The following SLC2A13 variants were observed in gnomAD, a reference collection of about 807,000 sequenced individuals.
SLC2A13 encodes the protein solute carrier family 2 member 13, also known as proton myo-inositol cotransporter.
SLC2A13 carries 32 observed loss-of-function variants against 64.4 expected under a neutral mutation model. That is an observed-to-expected ratio of 0.50 (90% CI 0.37 to 0.67). The LOEUF is 0.67. Ranked by LOEUF, SLC2A13 falls within the 30% of genes least tolerant of loss-of-function variation. The probability of loss-of-function intolerance (pLI) is 0.00; values close to 1 mark genes in which losing one functional copy is unlikely to be tolerated. For synonymous variants in SLC2A13, 338 were observed against 327.1 expected (o/e 1.03, Z -0.36); for missense variants, 743 against 829.2 (o/e 0.90, Z 1.28).
chr12:40,057,320 T>C (rs2136247157), intron 1 of SLC2A13, among the ~76,000 whole-genome samples: 1 of 152,158 alleles, frequency 6.6e-6, no homozygotes, highest in Middle Eastern at 3.4e-3. Context: ...TGAACTCAGG[T>C]ATGGGTGCTA....
chr12:39,785,115 A>C (rs1376180454), intron 7 of SLC2A13, among the ~76,000 whole-genome samples: 1 of 152,178 alleles, frequency 6.6e-6, no homozygotes, highest in Non-Finnish European at 1.5e-5. Flanking sequence ...GCCTAATGTG[A>C]ATCCCCAAGA....
intron 3 of SLC2A13, among the ~76,000 whole-genome samples, chr12:39,969,985 A>G (rs1271539251): frequency 9.2e-5 from 14 of 152,202 alleles, no homozygotes; most frequent in Non-Finnish European, 1.6e-4. Flanking sequence ...TATAAGATGT[A>G]AGGAAGGGAT....
intron 2 of SLC2A13, among the ~76,000 whole-genome samples, chr12:40,029,267 A>T (rs1323249000): frequency 6.6e-6 from 1 of 152,192 alleles, no homozygotes; most frequent in Non-Finnish European, 1.5e-5. Context: ...ATCTCTCCAA[A>T]TTATGATCAC....
Position 39,967,262 on chromosome 12 carries a change from G to T in SLC2A13, c.926-15897C>A, listed in dbSNP as rs189729187. Among the ~76,000 whole-genome samples, 50 of 152,144 alleles carry T rather than the reference G, an allele frequency of 3.3e-4. No homozygotes were observed. The South Asian group carries it at 3.9e-3, about 12-fold the overall frequency. On this transcript the variant is annotated intron_variant, in intron 3 of 9. Coordinates refer to ENST00000280871, the MANE Select transcript of SLC2A13 (RefSeq NM_052885.4). ...CTGTTATGCATATATAAAAAGTCTA[G>T]CATTATATTCATTAGCAAAGATGTA...
chr12:39,876,201 G>GTGCAT (rs569951930), intron 4 of SLC2A13, among the ~76,000 whole-genome samples: 2 of 152,084 alleles, frequency 1.3e-5, no homozygotes, highest in Non-Finnish European at 2.9e-5. Context: ...GGAAATCTAC[G>GTGCAT]TGCATTGCTA....
At chr12:40,071,160 G>A (rs1937940903) in intron 1 of SLC2A13, among the ~76,000 whole-genome samples, 1 of 152,132 alleles carries the variant, frequency 6.6e-6, no homozygotes, top group South Asian at 2.1e-4. Flanking sequence ...TGGGCTCTCT[G>A]TCTCACTGAT....
At chr12:39,938,372 G>A (rs1020325495) in intron 4 of SLC2A13, among the ~76,000 whole-genome samples, 4 of 150,496 alleles carry the variant, frequency 2.7e-5, no homozygotes, top group African/African-American at 2.4e-5. Flanking sequence ...CCATGTTTCC[G>A]CACACAAAAT....
At chr12:40,100,663 CA>C (rs1454281327) in intron 1 of SLC2A13, among the ~76,000 whole-genome samples, 1 of 152,028 alleles carries the variant, frequency 6.6e-6, no homozygotes, top group African/African-American at 2.4e-5. Flanking sequence ...AAAGAACATA[CA>C]AAATAAGATT....
At chr12:40,082,742 T>C (rs1241823471) in intron 1 of SLC2A13, among the ~76,000 whole-genome samples, 8 of 152,222 alleles carry the variant, frequency 5.3e-5, no homozygotes, top group Non-Finnish European at 1.2e-4. Context: ...GCTGGAGTTC[T>C]GTCTCTGCCA....
chr12:39,805,407 G>A (rs1471597909), intron 7 of SLC2A13, among the ~76,000 whole-genome samples: 1 of 152,066 alleles, frequency 6.6e-6, no homozygotes, highest in East Asian at 1.9e-4. Context: ...TAGAAGTGGT[G>A]TAAGGAAGTG....
chr12:39,916,393 G>C (rs1162388779), intron 4 of SLC2A13, among the ~76,000 whole-genome samples: 3 of 148,874 alleles, frequency 2.0e-5, no homozygotes, highest in Non-Finnish European at 4.5e-5. Flanking sequence ...CACTGCTAAG[G>C]AAAGTAAAAG....
At chr12:39,842,263 C>G (rs905253638) in intron 6 of SLC2A13, among the ~76,000 whole-genome samples, 1 of 151,994 alleles carries the variant, frequency 6.6e-6, no homozygotes, top group Admixed American at 6.6e-5. Context: ...TATATTGTAC[C>G]ATCTGGTCTT....
At chr12:39,943,896 C>A (rs1946087016) in intron 4 of SLC2A13, among the ~76,000 whole-genome samples, 1 of 152,188 alleles carries the variant, frequency 6.6e-6, no homozygotes, top group Non-Finnish European at 1.5e-5. Context: ...GACGTTTGGG[C>A]AGACACTGAG....
intron 3 of SLC2A13, among the ~76,000 whole-genome samples, chr12:39,971,634 T>C (rs1946647310): frequency 6.6e-6 from 1 of 152,024 alleles, no homozygotes. Flanking sequence ...TAACAATCCA[T>C]ATAGTTTATG....
chr12:39,922,693 A>G (rs1188946206), intron 4 of SLC2A13, among the ~76,000 whole-genome samples: 1 of 152,200 alleles, frequency 6.6e-6, no homozygotes, highest in Non-Finnish European at 1.5e-5. Context: ...TCTGTCTTGC[A>G]AAACACAAAG....
chr12:40,042,836 T>C (rs1948110523), intron 2 of SLC2A13, among the ~76,000 whole-genome samples: 1 of 151,442 alleles, frequency 6.6e-6, no homozygotes. Flanking sequence ...GAAACTATTA[T>C]GAAAAGACAA....
At chr12:40,075,971 T>C (rs1160279321) in intron 1 of SLC2A13, among the ~76,000 whole-genome samples, 9 of 152,226 alleles carry the variant, frequency 5.9e-5, no homozygotes, top group South Asian at 2.1e-4. Context: ...TGCAAGTGTT[T>C]TCACTTTTAT....
chr12:39,873,962 G>A (rs138648982), intron 4 of SLC2A13, among the ~76,000 whole-genome samples: 1 of 152,138 alleles, frequency 6.6e-6, no homozygotes, highest in Non-Finnish European at 1.5e-5. Context: ...TAGTGTATAA[G>A]CTATGTGAAT....
intron 1 of SLC2A13, among the ~76,000 whole-genome samples, chr12:40,050,595 T>A (rs1015934094): frequency 2.0e-5 from 3 of 152,212 alleles, no homozygotes; most frequent in Non-Finnish European, 4.4e-5. Context: ...TAGGGACTAA[T>A]AATCTTATTT....
Sources: gnomAD v4.1 joint callset for allele counts (sites outside exome capture counted in the v4.1 genomes callset) on GRCh38, gnomAD v4.1.1 for gene constraint, MANE v1.5 for transcripts, NCBI Gene and HGNC (gene_info 2026-07-23, HGNC 2026-07-21) for gene names.